The following KDM4C variants were observed in gnomAD, a reference collection of about 807,000 sequenced individuals.
KDM4C encodes the protein lysine demethylase 4C.
A neutral mutation model predicts 129.3 loss-of-function variants in KDM4C; 81 were observed. The observed-to-expected ratio is 0.63, with a 90% confidence interval of 0.52 to 0.75. The LOEUF is 0.75. KDM4C is among the 30% of genes least tolerant of loss of function. The pLI is 0.00. For synonymous variants in KDM4C, 573 were observed against 456.1 expected (o/e 1.26, Z -3.26); for missense variants, 1,457 against 1,304.0 (o/e 1.12, Z -1.81).
chr9:6,832,229 A>C (rs982975119), intron 4 of KDM4C, among the ~76,000 whole-genome samples: 49 of 149,906 alleles, frequency 3.3e-4, no homozygotes, highest in African/African-American at 1.1e-3. Context: ...AGTCCCAGCT[A>C]CTCGGGAGGC....
chr9:7,171,094 T>A (rs981306401), intron 21 of KDM4C, among the ~76,000 whole-genome samples: 3 of 152,242 alleles, frequency 2.0e-5, no homozygotes, highest in Non-Finnish European at 4.4e-5. Flanking sequence ...TCAGATGGGA[T>A]CCTGACAGCA....
intron 14 of KDM4C, 79 bp from the exon 15 acceptor site, chr9:7,015,774 A>AAAGG: frequency 1.0e-6 from 1 of 958,650 alleles, no homozygotes; most frequent in Admixed American, 1.9e-5. Context: ...TCCCATTTTT[A>AAAGG]TTTATTTCAG....
At chr9:6,908,154 T>C (rs2131048760) in intron 8 of KDM4C, among the ~76,000 whole-genome samples, 1 of 152,334 alleles carries the variant, frequency 6.6e-6, no homozygotes, top group Admixed American at 6.5e-5. Context: ...GGGCTATTTA[T>C]ACTATTGTTT....
Position 6,855,035 on chromosome 9 carries a change from T to C in KDM4C, c.629+5335T>C, listed in dbSNP as rs144609575. On this transcript the variant is annotated intron_variant, in intron 5 of 21. Transcript: ENST00000381309. ...CTATGTACAAAGTACATATCACAGC[T>C]GGAGATGTAACACAGTGCTCAATAG... Among the ~76,000 whole-genome samples, 641 of 152,340 alleles carry C rather than the reference T, an allele frequency of 4.2e-3. 5 individuals carry two copies. The highest frequency in any genetic ancestry group is 0.014 in the African/African-American group (565 of 41,582).
In KDM4C at chr9:7,011,751, G is replaced by A; in HGVS notation, c.1840G>A (p.Ala614Thr). Reference sequence around the variant, plus strand: ...GGAAGTGGAAGAAACAGAGTCTTGGGCGAAACCTCTCATCCACCTTTGGCA... The same window carrying A: ...GGAAGTGGAAGAAACAGAGTCTTGGACGAAACCTCTCATCCACCTTTGGCA... The part of the protein sequence containing the change: ...EEEVEETESW[A>T]KPLIHLWQTK... Residue 614 changes from alanine to threonine, a missense_variant, in exon 13 of 22, where the codon GCG (alanine) becomes ACG (threonine). Physicochemically the swap from Ala to Thr is moderately conservative, Grantham distance 58. Transcript: ENST00000381309. 1.2e-6 allele frequency: 2 copies of A among 1,614,124 alleles called. No individual in the cohort carries two copies. The highest frequency in any genetic ancestry group is 1.7e-6 in the Non-Finnish European group (2 of 1,179,996).
intron 8 of KDM4C, among the ~76,000 whole-genome samples, chr9:6,920,570 A>G (rs1821324847): frequency 1.6e-5 from 2 of 124,498 alleles, no homozygotes; most frequent in Admixed American, 1.6e-4. Flanking sequence ...AAATTAATTA[A>G]TCAATATAAA....
chr9:6,956,864 A>G (rs1475185960), intron 8 of KDM4C, among the ~76,000 whole-genome samples: 1 of 152,166 alleles, frequency 6.6e-6, no homozygotes, highest in Non-Finnish European at 1.5e-5. Context: ...CTTTGGCTTC[A>G]GAGCTCAGCT....
intron 12 of KDM4C, among the ~76,000 whole-genome samples, chr9:7,000,366 A>T (rs1480104235): frequency 6.6e-6 from 1 of 152,216 alleles, no homozygotes; most frequent in Non-Finnish European, 1.5e-5. Flanking sequence ...TTCAATTTTG[A>T]AACTTTTCTA....
At chr9:6,925,372 C>T in intron 8 of KDM4C, 1 of 985,344 alleles carries the variant, frequency 1.0e-6, no homozygotes, top group African/African-American at 1.7e-5. Flanking sequence ...AAGCTCAGTT[C>T]TCTTTGTAAA....
chr9:7,025,497 C>T (rs1433872259), intron 15 of KDM4C, among the ~76,000 whole-genome samples: 1 of 152,018 alleles, frequency 6.6e-6, no homozygotes, highest in Non-Finnish European at 1.5e-5. Flanking sequence ...TTAATTTCTT[C>T]CTTTTTATTT....
At chr9:6,991,342 G>T (rs995296629) in intron 12 of KDM4C, among the ~76,000 whole-genome samples, 17 of 151,974 alleles carry the variant, frequency 1.1e-4, no homozygotes, top group Non-Finnish European at 2.1e-4. Context: ...CCTCAGCCCC[G>T]CAAAGTGCTG....
chr9:6,777,679 T>G (rs1236736008), intron 1 of KDM4C, among the ~76,000 whole-genome samples: 1 of 152,170 alleles, frequency 6.6e-6, no homozygotes, highest in Admixed American at 6.5e-5. Context: ...TCGCCCAGTC[T>G]GGAGTGCAGT....
At chr9:7,135,168 C>T (rs925529537) in intron 19 of KDM4C, among the ~76,000 whole-genome samples, 3 of 152,180 alleles carry the variant, frequency 2.0e-5, no homozygotes, top group Non-Finnish European at 1.5e-5. Context: ...ACTGGGGATC[C>T]TCTGGAGAAA....
chr9:6,971,500 G>A (rs572168722), intron 8 of KDM4C, among the ~76,000 whole-genome samples: 5 of 152,228 alleles, frequency 3.3e-5, no homozygotes, highest in Admixed American at 1.3e-4. Flanking sequence ...TTTTATCAGC[G>A]GTCTGTGCCC....
chr9:6,842,667 T>A (rs552135567), intron 4 of KDM4C, among the ~76,000 whole-genome samples: 1 of 152,196 alleles, frequency 6.6e-6, no homozygotes, highest in South Asian at 2.1e-4. Flanking sequence ...TTGGTTAATG[T>A]CACATAAAAT....
chr9:6,829,355 G>C (rs139043441), intron 4 of KDM4C, among the ~76,000 whole-genome samples: 68 of 152,330 alleles, frequency 4.5e-4, no homozygotes, highest in African/African-American at 1.6e-3. Flanking sequence ...GCCTAGAGGG[G>C]CAGATTTCTG....
intron 4 of KDM4C, among the ~76,000 whole-genome samples, chr9:6,843,596 C>T (rs978697192): frequency 6.6e-6 from 1 of 152,092 alleles, no homozygotes; most frequent in African/African-American, 2.4e-5. Context: ...GAACCCTGGG[C>T]GTAGCTCTGC....
At chr9:7,109,904 G>A (rs1838127292) in intron 18 of KDM4C, among the ~76,000 whole-genome samples, 1 of 152,104 alleles carries the variant, frequency 6.6e-6, no homozygotes, top group Non-Finnish European at 1.5e-5. Flanking sequence ...GATCATGGTG[G>A]CAGTTTGTCT....
chr9:6,960,757 A>G (rs999043434), intron 8 of KDM4C, among the ~76,000 whole-genome samples: 3 of 152,212 alleles, frequency 2.0e-5, no homozygotes, highest in Non-Finnish European at 4.4e-5. Context: ...CAAGTTGCTT[A>G]GACCCAGTGC....
Sources: gnomAD v4.1 joint callset for allele counts (sites outside exome capture counted in the v4.1 genomes callset) on GRCh38, gnomAD v4.1.1 for gene constraint, MANE v1.5 for transcripts, NCBI Gene and HGNC (gene_info 2026-07-23, HGNC 2026-07-21) for gene names.